Variants in RUBCN observed in about 807,000 individuals in gnomAD.
The protein encoded by RUBCN is rubicon autophagy regulator, also known as run domain Beclin-1-interacting and cysteine-rich domain-containing protein.
A neutral mutation model predicts 113.2 loss-of-function variants in RUBCN; 74 were observed. The ratio of observed to expected loss-of-function variants is 0.65; its 90% CI spans 0.54 to 0.79. RUBCN has a LOEUF of 0.79. Ranked by LOEUF, RUBCN falls within the 30% of genes least tolerant of loss-of-function variation. The pLI, the probability that RUBCN is intolerant of heterozygous loss-of-function variation, is 0.00. For synonymous variants in RUBCN, 480 were observed against 490.0 expected (o/e 0.98, Z 0.27); for missense variants, 1,109 against 1,251.7 (o/e 0.89, Z 1.72).
chr3:197,721,184 T>A (rs973664900), intron 1 of RUBCN, among the ~76,000 whole-genome samples: 1 of 152,148 alleles, frequency 6.6e-6, no homozygotes, highest in Non-Finnish European at 1.5e-5. Flanking sequence ...TTGGGAAGAA[T>A]TGGTATTAGT....
chr3:197,700,091 G>A (rs902152304), intron 7 of RUBCN, among the ~76,000 whole-genome samples: 1 of 152,090 alleles, frequency 6.6e-6, no homozygotes, highest in Admixed American at 6.6e-5. Flanking sequence ...CTTATCTGAC[G>A]GCCTCTCACC....
intron 1 of RUBCN, among the ~76,000 whole-genome samples, chr3:197,746,205 A>G (rs1728738319): frequency 6.6e-6 from 1 of 152,278 alleles, no homozygotes; most frequent in Non-Finnish European, 1.5e-5. Context: ...AAGCTTGAGG[A>G]TAGCCATCGC....
intron 5 of RUBCN, among the ~76,000 whole-genome samples, chr3:197,702,221 C>T (rs1461629390): frequency 6.6e-6 from 1 of 152,240 alleles, no homozygotes; most frequent in Non-Finnish European, 1.5e-5. Context: ...CACGTATCTA[C>T]TCTGTGCCTC....
intron 11 of RUBCN, among the ~76,000 whole-genome samples, chr3:197,693,154 A>ACC (rs1009070008): frequency 3.9e-4 from 59 of 151,914 alleles, no homozygotes; most frequent in Non-Finnish European, 1.8e-4. Context: ...CCAGACTGGA[A>ACC]CCCCACTGTT....
intron 11 of RUBCN, among the ~76,000 whole-genome samples, chr3:197,689,883 T>C (rs1722236930): frequency 6.6e-6 from 1 of 152,174 alleles, no homozygotes; most frequent in African/African-American, 2.4e-5. Context: ...CACGCTACTG[T>C]GCTACTGAAC....
Position 197,683,671 on chromosome 3 carries a change from G to A in RUBCN, c.1848-232C>T, listed in dbSNP as rs1168948031. On this transcript the variant is annotated intron_variant, in intron 12 of 19. Coordinates refer to ENST00000296343, the MANE Select transcript of RUBCN (RefSeq NM_014687.4). This position sits in a 1 kb window ranked among gnomAD's most constrained non-coding sequence, Gnocchi z 4.6. ...GCCACTGCACGGCACTGCTAATGAAGGACTCTGTCACTTCCTTTCTCTGAA... is the reference window on the plus strand; with the variant it reads ...GCCACTGCACGGCACTGCTAATGAAAGACTCTGTCACTTCCTTTCTCTGAA... Among the ~76,000 whole-genome samples the A allele has an allele frequency of 1.3e-5, 2 of 152,136 alleles. No homozygotes were observed. Among genetic ancestry groups the A allele is most frequent in the Non-Finnish European group, 2.9e-5 (2 of 68,006 alleles).
upstream of RUBCN, among the ~76,000 whole-genome samples, chr3:197,741,443 A>C (rs538638186): frequency 2.6e-4 from 40 of 152,170 alleles, no homozygotes; most frequent in Non-Finnish European, 5.0e-4. Flanking sequence ...CTTTTGAAGA[A>C]TTTTGCCAAG....
chr3:197,743,996 A>G (rs1728635169), intron 1 of RUBCN, among the ~76,000 whole-genome samples: 1 of 151,806 alleles, frequency 6.6e-6, no homozygotes, highest in Non-Finnish European at 1.5e-5. Flanking sequence ...AAATAAATAA[A>G]TAAAAAATAA....
chr3:197,706,806 G>A (rs1013265555), intron 2 of RUBCN, among the ~76,000 whole-genome samples: 2 of 152,202 alleles, frequency 1.3e-5, no homozygotes, highest in African/African-American at 4.8e-5. Context: ...AGTCAGAGGT[G>A]CTTCTTTGTA....
Position 197,682,892 on chromosome 3 carries a change from G to A in RUBCN, c.1981-277C>T, listed in dbSNP as rs143555102. On this transcript the variant is annotated intron_variant, in intron 13 of 19. Transcript: ENST00000296343. ...TACAAGTGAGGGCCGTGGGTTCCAA[G>A]AAGCAAACAGAAACAGCCTACCAGG... Among the ~76,000 whole-genome samples, 219 of 152,306 alleles carry A rather than the reference G, an allele frequency of 1.4e-3. 2 individuals carry two copies. The highest frequency in any genetic ancestry group is 5.0e-3 in the African/African-American group (206 of 41,568).
At chr3:197,730,846 C>G (rs13086474) in intron 1 of RUBCN, among the ~76,000 whole-genome samples, 1 of 124,454 alleles carries the variant, frequency 8.0e-6, no homozygotes. Flanking sequence ...CTCAGCTTTT[C>G]TCATTAAAAT....
chr3:197,669,443 G>C lies in RUBCN; in HGVS notation c.*5575C>G, dbSNP rs1359708244. On this transcript the variant is annotated 3_prime_UTR_variant, in exon 20 of 20. Coordinates refer to ENST00000296343, the MANE Select transcript of RUBCN (RefSeq NM_014687.4). ...TTTTGTAGAAAGTTCCTCGAATTTT[G>C]CTCCTGTGTTTATGTTGTTTGTTGT... Among the ~76,000 whole-genome samples the C allele has an allele frequency of 6.6e-6, 1 of 152,094 alleles. No individual in the cohort carries two copies. Among genetic ancestry groups the C allele is most frequent in the African/African-American group, 2.4e-5 (1 of 41,414 alleles).
intron 1 of RUBCN, among the ~76,000 whole-genome samples, chr3:197,731,093 A>C (rs1462927343): frequency 4.6e-5 from 7 of 151,740 alleles, no homozygotes; most frequent in Non-Finnish European, 1.0e-4. Flanking sequence ...GTCAGCAGAT[A>C]AACAAGTGAA....
chr3:197,732,933 A>T (rs914023245), intron 1 of RUBCN, among the ~76,000 whole-genome samples: 4 of 152,180 alleles, frequency 2.6e-5, no homozygotes, highest in African/African-American at 9.6e-5. Flanking sequence ...CATTTTTCCT[A>T]CTTCCTACGT....
intron 4 of RUBCN, 57 bp downstream of exon 4, chr3:197,704,485 G>A: frequency 2.0e-6 from 3 of 1,521,786 alleles, no homozygotes; most frequent in Non-Finnish European, 2.7e-6. Flanking sequence ...GTAGAGGATA[G>A]TGAGGTGGGT....
intron 11 of RUBCN, among the ~76,000 whole-genome samples, chr3:197,688,309 G>C (rs1722064967): frequency 6.6e-6 from 1 of 150,932 alleles, no homozygotes. Context: ...TGACAGGTGT[G>C]AGCCACCGCT....
intron 7 of RUBCN, 58 bp from the exon 8 acceptor site, chr3:197,697,107 T>C: frequency 1.1e-6 from 1 of 874,398 alleles, no homozygotes; most frequent in South Asian, 1.3e-5. Flanking sequence ...ACAGGTACAT[T>C]CCCAACTCTG....
chr3:197,674,597 A>T lies in RUBCN; in HGVS notation c.*421T>A, dbSNP rs1208435825. 2 of 471,560 alleles carry T rather than the reference A, an allele frequency of 4.2e-6. No homozygotes were observed. Among genetic ancestry groups the T allele is most frequent in the Non-Finnish European group, 8.6e-6 (2 of 233,526 alleles). The allele number at this position is 471,560 out of a possible 1,614,324, so 29.2% of individuals were successfully genotyped here. ...GCCATCCCCGTTTCAGCAGCAGGAG[A>T]GGTGGTTGAGAAAGGCCTGGCTCAG... is the stretch of plus-strand genomic sequence containing the variant. On this transcript the variant is annotated 3_prime_UTR_variant, in exon 20 of 20. Transcript: ENST00000296343.
Position 197,672,676 on chromosome 3 carries a change from G to A in RUBCN, c.*2342C>T, listed in dbSNP as rs983351885. On this transcript the variant is annotated 3_prime_UTR_variant, in exon 20 of 20. Coordinates refer to ENST00000296343, the MANE Select transcript of RUBCN (RefSeq NM_014687.4). ...ATCTGTCCTCCAGCGCAGTGACCTG[G>A]AGAAAGAGCTGGATGTGTCACCTTT... 2 of 152,336 alleles carry A rather than the reference G, an allele frequency of 1.3e-5. No homozygotes were observed. The highest frequency in any genetic ancestry group is 3.8e-4 in the East Asian group (2 of 5,202). 9.4% of individuals were successfully genotyped at this position (152,336 alleles called of 1,614,324 possible).
Sources: allele counts gnomAD v4.1 joint callset (sites outside exome capture counted in the v4.1 genomes callset), GRCh38; gene constraint gnomAD v4.1.1; non-coding constraint Gnocchi (gnomAD v3.1); transcripts MANE v1.5; gene names NCBI Gene and HGNC (gene_info 2026-07-23, HGNC 2026-07-21).